The following RABIF variants were observed in gnomAD, a reference collection of about 807,000 sequenced individuals.
RABIF encodes the protein guanine nucleotide exchange factor MSS4.
A neutral mutation model predicts 12.3 loss-of-function variants in RABIF; 13 were observed. The ratio of observed to expected loss-of-function variants is 1.06; its 90% confidence interval spans 0.69 to 1.68. The LOEUF is 1.68. Among genes scored for constraint, RABIF ranks in the 40% most tolerant of loss-of-function variants. The pLI, the probability that RABIF is intolerant of heterozygous loss-of-function variation, is 0.00. For missense variants in RABIF, 153 were observed against 158.0 expected (o/e 0.97, Z 0.17); for synonymous variants, 70 against 63.3 (o/e 1.11, Z -0.50).
chr1:202,885,828 C>T (rs1427809478), intron 1 of RABIF, among the ~76,000 whole-genome samples: 1 of 152,096 alleles, frequency 6.6e-6, no homozygotes, highest in African/African-American at 2.4e-5. Context: ...TTAGGACTGA[C>T]AGTAAGGAGA....
Position 202,889,080 on chromosome 1 carries a change from G to C in RABIF, c.19C>G (p.Pro7Ala), listed in dbSNP as rs746863658. 1.7e-5 allele frequency: 27 copies of C among 1,607,918 alleles called. No individual in the cohort carries two copies. The South Asian group carries it at 2.0e-4, about 12-fold the overall frequency. The change falls in exon 1 of 2, where the codon CCG (proline) becomes GCG (alanine). Residue 7 changes from proline (P) to alanine (A), a missense_variant. Pro to Ala is a conservative substitution (Grantham distance 27). Around this residue, in one of 2 missense-constraint regions of RABIF, gnomAD observed 113 missense variants for 90.9 expected, o/e 1.24. Transcript: ENST00000367262. MEPAEQ[P>A]SELVSAEGRN... The stretch of plus-strand genomic sequence containing the variant: ...CCCTCGGCTGACACTAACTCGCTCG[G>C]CTGCTCCGCTGGTTCCATCGCCGCT...
In RABIF at chr1:202,880,951, G is replaced by GA. The variant is rs771645228; in HGVS notation, c.*26dup. 6.2e-7 allele frequency: 1 copy of GA among 1,609,834 alleles called. No individual in the cohort carries two copies. Among genetic ancestry groups the GA allele is most frequent in the Non-Finnish European group, 8.5e-7 (1 of 1,176,614 alleles). The stretch of plus-strand genomic sequence containing the variant: ...TGTGGGGAGTAGGTTTATCTTTGGA[G>GA]ATGGAGCTGAGTACCCCTCCCCTCA... On this transcript the variant is annotated 3_prime_UTR_variant, in exon 2 of 2. Coordinates refer to ENST00000367262, the MANE Select transcript of RABIF (RefSeq NM_002871.5).
In RABIF at chr1:202,889,099, C is replaced by A. The variant is rs1338531716; in HGVS notation, c.-1G>T. The A allele has an allele frequency of 6.2e-7, 1 of 1,600,188 alleles. No homozygotes were observed. Among genetic ancestry groups the A allele is most frequent in the African/African-American group, 1.3e-5 (1 of 74,482 alleles). On this transcript the variant is annotated 5_prime_UTR_variant, in exon 1 of 2. Coordinates refer to ENST00000367262, the MANE Select transcript of RABIF (RefSeq NM_002871.5). ...CGCTCGGCTGCTCCGCTGGTTCCAT[C>A]GCCGCTGCCGCCACAGGCTCCTCAG...
At chr1:202,888,683 C>A (rs1041230130) in intron 1 of RABIF, among the ~76,000 whole-genome samples, 2 of 152,110 alleles carry the variant, frequency 1.3e-5, no homozygotes, top group African/African-American at 4.8e-5. Flanking sequence ...GCGGGGCGCA[C>A]GGCCCGCGCT....
At chr1:202,881,267 C>T (rs1659486654) in intron 1 of RABIF, 44 bp from the exon 2 acceptor site, 1 of 1,575,612 alleles carries the variant, frequency 6.3e-7, no homozygotes, top group Non-Finnish European at 8.6e-7. Flanking sequence ...TTGAACTGGC[C>T]CAGTTCCATC....
chr1:202,884,121 G>A (rs1004282161), intron 1 of RABIF, among the ~76,000 whole-genome samples: 1 of 152,116 alleles, frequency 6.6e-6, no homozygotes, highest in East Asian at 1.9e-4. Context: ...GTTCTGTCAG[G>A]ACCCCAGCGA....
intron 1 of RABIF, among the ~76,000 whole-genome samples, chr1:202,881,905 C>T (rs1206807984): frequency 1.3e-5 from 2 of 152,232 alleles, no homozygotes; most frequent in Non-Finnish European, 2.9e-5. Flanking sequence ...TCAGCTCAAA[C>T]ATAGCCTTCT....
intron 1 of RABIF, among the ~76,000 whole-genome samples, chr1:202,884,705 ACCTTTCTGATTGC>A (rs1659534487): frequency 6.6e-6 from 1 of 151,928 alleles, no homozygotes; most frequent in African/African-American, 2.4e-5. Context: ...TGACGGAATG[ACCTTTCTGATTGC>A]CATCACATCA....
In RABIF at chr1:202,878,560, C is replaced by T. The variant is rs79189212; in HGVS notation, c.*2418G>A. Among the ~76,000 whole-genome samples, 204 of 152,378 alleles carry T rather than the reference C, an allele frequency of 1.3e-3. No homozygotes were observed. In the East Asian group the frequency reaches 0.027, roughly 20 times the overall value. On this transcript the variant is annotated 3_prime_UTR_variant, in exon 2 of 2. Coordinates refer to ENST00000367262, the MANE Select transcript of RABIF (RefSeq NM_002871.5). ...AGAAGTCCTCATAGTTACTCAGTTA[C>T]ATGTGTAGCCTCATATACAACATGG...
Position 202,878,347 on chromosome 1 carries a change from C to T in RABIF, c.*2631G>A, listed in dbSNP as rs927512446. On this transcript the variant is annotated 3_prime_UTR_variant, in exon 2 of 2. Coordinates refer to ENST00000367262, the MANE Select transcript of RABIF (RefSeq NM_002871.5). ...AGTTTGGCAAATGCTCCCAGGAGAA[C>T]GGTGGCCCTCACACCAAGCCCACCT... Among the ~76,000 whole-genome samples the T allele has an allele frequency of 2.0e-5, 3 of 152,214 alleles. No homozygotes were observed. The highest frequency in any genetic ancestry group is 6.5e-5 in the Admixed American group (1 of 15,276).
chr1:202,882,623 T>C (rs552869110), intron 1 of RABIF, among the ~76,000 whole-genome samples: 2 of 152,278 alleles, frequency 1.3e-5, no homozygotes, highest in Admixed American at 6.5e-5. Flanking sequence ...ACCATTATCA[T>C]AATCAAGATA....
intron 1 of RABIF, among the ~76,000 whole-genome samples, chr1:202,885,086 C>CAAAAAAAAAAA (rs113531957): frequency 9.1e-5 from 11 of 120,656 alleles, no homozygotes; most frequent in African/African-American, 2.1e-4. Flanking sequence ...GACTCTATCT[C>CAAAAAAAAAAA]AAAAAAAAAA....
chr1:202,881,366 T>C, intron 1 of RABIF, 143 bp from the exon 2 acceptor site: 1 of 1,254,204 alleles, frequency 8.0e-7, no homozygotes, highest in Non-Finnish European at 1.1e-6. Context: ...TAGACGATGA[T>C]GCTGGGTGGC....
intron 1 of RABIF, among the ~76,000 whole-genome samples, chr1:202,882,294 T>C (rs904474843): frequency 3.9e-5 from 6 of 152,136 alleles, no homozygotes; most frequent in African/African-American, 7.2e-5. Context: ...GGTAAGAGGA[T>C]TGCTTGAGCC....
chr1:202,888,935 G>A (rs1045695471), intron 1 of RABIF, 38 bp downstream of exon 1: 2 of 1,496,792 alleles, frequency 1.3e-6, no homozygotes, highest in African/African-American at 1.4e-5. Flanking sequence ...CGTCGGGGGA[G>A]ACTGTGGGTG....
At chr1:202,886,347 G>A (rs1659562441) in intron 1 of RABIF, among the ~76,000 whole-genome samples, 1 of 149,174 alleles carries the variant, frequency 6.7e-6, no homozygotes, top group African/African-American at 2.5e-5. Context: ...GGGAGGGGAA[G>A]GCAGGGCAGG....
At chr1:202,884,437 G>A (rs1163686849) in intron 1 of RABIF, among the ~76,000 whole-genome samples, 2 of 151,944 alleles carry the variant, frequency 1.3e-5, no homozygotes, top group African/African-American at 4.8e-5. Flanking sequence ...CTCTCCTTTG[G>A]TCTGGGCAGG....
In RABIF at chr1:202,889,075, G is replaced by C. The variant is rs142176614; in HGVS notation, c.24C>G (p.Ser8Arg). Residue 8 changes from serine (S) to arginine (R), a missense_variant, in exon 1 of 2, where the codon AGC becomes AGG. By Grantham distance (110) the Ser-to-Arg change is moderately radical (BLOSUM62 -1). This residue lies in a region of RABIF where 113 missense variants were observed against 90.9 expected (regional missense o/e 1.24). Coordinates refer to ENST00000367262, the MANE Select transcript of RABIF (RefSeq NM_002871.5). The part of the protein sequence containing the change: MEPAEQP[S>R]ELVSAEGRNR... Reference sequence around the variant, plus strand: ...TTCGGCCCTCGGCTGACACTAACTCGCTCGGCTGCTCCGCTGGTTCCATCG... The same window carrying C: ...TTCGGCCCTCGGCTGACACTAACTCCCTCGGCTGCTCCGCTGGTTCCATCG... The C allele has an allele frequency of 1.2e-4, 187 of 1,609,246 alleles. No individual in the cohort carries two copies. The African/African-American group carries it at 2.2e-3, about 19-fold the overall frequency.
In RABIF at chr1:202,878,552, C is replaced by T. The variant is rs555922762; in HGVS notation, c.*2426G>A. 5.3e-5 allele frequency among the ~76,000 whole-genome samples: 8 copies of T among 152,222 alleles called. No individual in the cohort carries two copies. The highest frequency in any genetic ancestry group is 1.0e-4 in the Non-Finnish European group (7 of 68,036). On this transcript the variant is annotated 3_prime_UTR_variant, in exon 2 of 2. Coordinates refer to ENST00000367262, the MANE Select transcript of RABIF (RefSeq NM_002871.5). ...TCAGAAGCAGAAGTCCTCATAGTTA[C>T]TCAGTTACATGTGTAGCCTCATATA... is the stretch of plus-strand genomic sequence containing the variant.
Sources: gnomAD v4.1 joint callset for allele counts (sites outside exome capture counted in the v4.1 genomes callset) on GRCh38, gnomAD v4.1.1 for gene constraint, gnomAD v4.1.1 regional missense constraint, MANE v1.5 for transcripts, NCBI Gene and HGNC (gene_info 2026-07-23, HGNC 2026-07-21) for gene names.